VPS35L: variants seen among roughly 807,000 people sequenced by gnomAD.
VPS35L encodes VPS35 endosomal protein-sorting factor-like.
Under a neutral mutation model 133.0 loss-of-function variants are expected in VPS35L, and 83 were observed. That is an observed-to-expected ratio of 0.62 (90% CI 0.52 to 0.75). VPS35L has a LOEUF of 0.75. Ranked by LOEUF, VPS35L falls within the 30% of genes least tolerant of loss-of-function variation. VPS35L has a pLI of 0.00. For missense variants in VPS35L, 1,083 were observed against 1,206.8 expected (o/e 0.90, Z 1.52); for synonymous variants, 423 against 449.9 (o/e 0.94, Z 0.76).
At chr16:19,683,205 G>A (rs998678793) in intron 28 of VPS35L, among the ~76,000 whole-genome samples, 25 of 152,108 alleles carry the variant, frequency 1.6e-4, no homozygotes, top group Non-Finnish European at 2.9e-4. Flanking sequence ...TTATAACCAT[G>A]AGCCACCACA....
At chr16:19,634,723 C>A (rs1973571899) in intron 19 of VPS35L, among the ~76,000 whole-genome samples, 2 of 151,998 alleles carry the variant, frequency 1.3e-5, no homozygotes, top group African/African-American at 4.8e-5. Flanking sequence ...GTATGCTAAC[C>A]CTGGGAAGAA....
intron 16 of VPS35L, 120 bp from the exon 17 acceptor site, chr16:19,628,517 G>T: frequency 1.8e-6 from 1 of 543,600 alleles, no homozygotes; most frequent in East Asian, 3.0e-5. Flanking sequence ...GAAGGAGGTT[G>T]TTGGAAGATT....
chr16:19,585,490 A>C (rs1443560921), intron 7 of VPS35L, among the ~76,000 whole-genome samples: 1 of 149,650 alleles, frequency 6.7e-6, no homozygotes, highest in African/African-American at 2.5e-5. Context: ...CCAGCCTCAA[A>C]CTCTGGCCTC....
intron 24 of VPS35L, among the ~76,000 whole-genome samples, chr16:19,648,734 G>C (rs1288360247): frequency 6.6e-6 from 1 of 151,872 alleles, no homozygotes; most frequent in Non-Finnish European, 1.5e-5. Flanking sequence ...CAGGCGGGGT[G>C]GCAGGCACCT....
At chr16:19,578,458 C>G in intron 5 of VPS35L, 1 of 377,198 alleles carries the variant, frequency 2.7e-6, no homozygotes, top group African/African-American at 2.1e-5. Context: ...CAGCAGTCAG[C>G]TAGATGCATC....
chr16:19,606,856 C>G (rs117143593), intron 9 of VPS35L, among the ~76,000 whole-genome samples: 10 of 152,328 alleles, frequency 6.6e-5, no homozygotes, highest in Non-Finnish European at 1.3e-4. Context: ...TCAATCATAG[C>G]TCACTGCAGC....
At chr16:19,599,488 A>G (rs1364638331) in intron 8 of VPS35L, among the ~76,000 whole-genome samples, 3 of 152,084 alleles carry the variant, frequency 2.0e-5, no homozygotes, top group Admixed American at 1.3e-4. Flanking sequence ...AGGATTTCCC[A>G]GCAAGGTTAT....
intron 27 of VPS35L, among the ~76,000 whole-genome samples, chr16:19,670,166 C>T (rs564515980): frequency 5.9e-5 from 9 of 152,316 alleles, no homozygotes; most frequent in East Asian, 5.8e-4. Flanking sequence ...GCAAGCTCTC[C>T]GGCCTTTTGA....
chr16:19,610,135 G>A (rs1052504522), intron 11 of VPS35L, among the ~76,000 whole-genome samples, 187 bp from the exon 12 acceptor site: 4 of 152,236 alleles, frequency 2.6e-5, no homozygotes, highest in African/African-American at 7.2e-5. Flanking sequence ...TGAATGAATT[G>A]TATCAGAAGA....
At chr16:19,686,308 G>C (rs906447676) in intron 28 of VPS35L, among the ~76,000 whole-genome samples, 2 of 152,088 alleles carry the variant, frequency 1.3e-5, no homozygotes, top group East Asian at 3.9e-4. Flanking sequence ...GGATGCCTTG[G>C]CCACTTTCTT....
intron 8 of VPS35L, among the ~76,000 whole-genome samples, chr16:19,592,103 C>T (rs998378291): frequency 6.6e-6 from 1 of 151,022 alleles, no homozygotes; most frequent in Admixed American, 6.6e-5. Context: ...GAGTCAGGGT[C>T]TTGCTCTGTT....
At position 19,660,548 on chromosome 16, in the gene VPS35L, C is replaced by T. The variant is rs73537575; in HGVS notation, c.2221+8458C>T. On this transcript the variant is annotated intron_variant, in intron 26 of 30. Coordinates refer to ENST00000417362, the MANE Select transcript of VPS35L (RefSeq NM_020314.7). ...TGGTAAAGATTTCCATTAGCACTGA[C>T]CTAATGCATTATTGAAAAAAAGCAA... is the stretch of plus-strand genomic sequence containing the variant. Among the ~76,000 whole-genome samples the T allele has an allele frequency of 5.9e-3, 897 of 152,042 alleles. 10 individuals are homozygous for T. The highest frequency in any genetic ancestry group is 0.02 in the African/African-American group (836 of 41,456).
At chr16:19,621,060 G>C (rs1192046499) in intron 14 of VPS35L, among the ~76,000 whole-genome samples, 1 of 152,116 alleles carries the variant, frequency 6.6e-6, no homozygotes, top group African/African-American at 2.4e-5. Context: ...CCATGGCATG[G>C]ATTAAATAGC....
At chr16:19,682,113 C>G in intron 27 of VPS35L, 112 bp from the exon 28 acceptor site, 1 of 1,224,474 alleles carries the variant, frequency 8.2e-7, no homozygotes, top group South Asian at 1.5e-5. Context: ...TAACTGACAA[C>G]GTTAATTTCT....
In VPS35L at chr16:19,673,079, G is replaced by A. The variant is rs141997194; in HGVS notation, c.2361+3780G>A. ...TCAGAGCTTCAGTTGTCACCTTTCTGAGGTGTCATCACAGTGCCCACCTCA... is the reference window on the plus strand; with the variant it reads ...TCAGAGCTTCAGTTGTCACCTTTCTAAGGTGTCATCACAGTGCCCACCTCA... On this transcript the variant is annotated intron_variant, in intron 27 of 30. Transcript: ENST00000417362. Among the ~76,000 whole-genome samples the A allele has an allele frequency of 2.0e-3, 312 of 152,288 alleles. 4 individuals are homozygous for A. The highest frequency in any genetic ancestry group is 3.4e-3 in the Middle Eastern group (1 of 294).
At chr16:19,687,123 T>C (rs1360494125) in intron 28 of VPS35L, among the ~76,000 whole-genome samples, 1 of 152,200 alleles carries the variant, frequency 6.6e-6, no homozygotes, top group Admixed American at 6.5e-5. Context: ...TTCCCGCTCC[T>C]AGCCTAGAAG....
chr16:19,570,882 TATATA>T (rs1567388880), intron 3 of VPS35L, among the ~76,000 whole-genome samples: 7 of 96,650 alleles, frequency 7.2e-5, no homozygotes, highest in South Asian at 3.4e-4. Context: ...TATATATATA[TATATA>T]TATTTTTGAG....
At chr16:19,573,049 A>G (rs569844031) in intron 3 of VPS35L, 70 bp from the exon 4 acceptor site, 26 of 1,489,352 alleles carry the variant, frequency 1.7e-5, no homozygotes, top group African/African-American at 2.8e-5. Context: ...TCTGGCTTCT[A>G]TTTATATATG....
intron 25 of VPS35L, 111 bp downstream of exon 25, chr16:19,650,570 G>A: frequency 3.5e-6 from 3 of 851,866 alleles, no homozygotes; most frequent in East Asian, 5.2e-5. Flanking sequence ...TGATAAGAAT[G>A]GTTTAGTATT....
Sources: gnomAD v4.1 joint callset for allele counts (sites outside exome capture counted in the v4.1 genomes callset) on GRCh38, gnomAD v4.1.1 for gene constraint, MANE v1.5 for transcripts, NCBI Gene and HGNC (gene_info 2026-07-23, HGNC 2026-07-21) for gene names.